DZIP3: variants seen among roughly 807,000 people sequenced by gnomAD.
DZIP3 encodes the protein DAZ interacting zinc finger protein 3, also known as E3 ubiquitin-protein ligase DZIP3.
In DZIP3, 118 loss-of-function variants were observed where a neutral mutation model predicts 162.0. That is an observed-to-expected ratio of 0.73 (90% CI 0.63 to 0.85). The LOEUF (loss-of-function observed/expected upper bound fraction) is 0.85, where lower values mean the gene tolerates loss of function less well. Ranked by LOEUF, DZIP3 falls within the 40% of genes least tolerant of loss-of-function variation. The pLI is 0.00. For synonymous variants in DZIP3, 438 were observed against 458.6 expected, an observed-to-expected ratio of 0.96 and a Z score of 0.57; for missense variants, 1,331 against 1,407.0, an observed-to-expected ratio of 0.95 and a Z score of 0.86.
At chr3:108,669,495 C>T (rs1239827416) in intron 21 of DZIP3, among the ~76,000 whole-genome samples, 186 bp from the exon 22 acceptor site, 1 of 151,794 alleles carries the variant, frequency 6.6e-6, no homozygotes, top group Non-Finnish European at 1.5e-5. Context: ...GTCAGTAAAT[C>T]AGACATCAGA....
At chr3:108,596,830 A>G (rs1464549776) in intron 1 of DZIP3, among the ~76,000 whole-genome samples, 1 of 152,200 alleles carries the variant, frequency 6.6e-6, no homozygotes, top group African/African-American at 2.4e-5. Context: ...GGGGACATGA[A>G]GCCAAATCTA....
chr3:108,618,738 G>A (rs1278245667), intron 5 of DZIP3, among the ~76,000 whole-genome samples: 1 of 152,120 alleles, frequency 6.6e-6, no homozygotes, highest in African/African-American at 2.4e-5. Flanking sequence ...AAGCATGCAA[G>A]GTGAGAGTAT....
intron 4 of DZIP3, 102 bp from the exon 5 acceptor site, chr3:108,616,436 ATTT>A: frequency 1.3e-6 from 1 of 744,090 alleles, no homozygotes; most frequent in Non-Finnish European, 2.1e-6. Flanking sequence ...CTTTATCTCT[ATTT>A]TTAAAATTTT....
intron 1 of DZIP3, among the ~76,000 whole-genome samples, chr3:108,591,742 A>G (rs1427371515): frequency 2.6e-5 from 4 of 152,160 alleles, no homozygotes. Flanking sequence ...TCACGCTTTT[A>G]ATTTCCAGTT....
chr3:108,650,274 G>A (rs1429297989), intron 17 of DZIP3, among the ~76,000 whole-genome samples: 7 of 151,784 alleles, frequency 4.6e-5, no homozygotes, highest in African/African-American at 1.7e-4. Flanking sequence ...ACAACCAAAA[G>A]TCTTTTCAAC....
Position 108,624,529 on chromosome 3 carries a change from G to A in DZIP3, c.456+5G>A, listed in dbSNP as rs1462249398. On this transcript the variant is annotated splice_donor_5th_base_variant and intron_variant, in intron 6 of 32. Coordinates refer to ENST00000361582, the MANE Select transcript of DZIP3 (RefSeq NM_014648.4). The stretch of plus-strand genomic sequence containing the variant: ...ACTGAAAGAGGAAAGAAAGAGGTAT[G>A]TAACATGTTATTTGCCCTTTATAAA... 6.6e-7 allele frequency: 1 copy of A among 1,513,864 alleles called. No individual in the cohort carries two copies. Among genetic ancestry groups the A allele is most frequent in the East Asian group, 2.4e-5 (1 of 42,512 alleles). 93.8% of individuals were successfully genotyped at this position (1,513,864 alleles called of 1,614,324 possible).
chr3:108,692,608 G>T (rs1944739009), intron 32 of DZIP3, among the ~76,000 whole-genome samples: 1 of 152,078 alleles, frequency 6.6e-6, no homozygotes, highest in Admixed American at 6.6e-5. Context: ...TAGATAAACA[G>T]TAAAAGTTTC....
intron 12 of DZIP3, among the ~76,000 whole-genome samples, chr3:108,638,101 T>A (rs749952194): frequency 2.0e-5 from 3 of 152,200 alleles, no homozygotes; most frequent in Non-Finnish European, 2.9e-5. Context: ...ATCTAAAGCA[T>A]CAGTTTTCCC....
chr3:108,641,670 T>A (rs938420207), intron 12 of DZIP3, among the ~76,000 whole-genome samples: 1 of 152,218 alleles, frequency 6.6e-6, no homozygotes. Flanking sequence ...GTATGGGAGA[T>A]ACCTTTTACT....
At chr3:108,622,617 G>T (rs1006409649) in intron 5 of DZIP3, among the ~76,000 whole-genome samples, 2 of 152,124 alleles carry the variant, frequency 1.3e-5, no homozygotes, top group Admixed American at 6.5e-5. Flanking sequence ...TTCTTGGGAA[G>T]TCTTTCCAGG....
Position 108,644,276 on chromosome 3 carries a change from T to A in DZIP3, c.1254T>A (p.Pro418=). The change falls in exon 14 of 33, where the codon CCT becomes CCA. Residue 418 remains proline (P), a synonymous_variant. Coordinates refer to ENST00000361582, the MANE Select transcript of DZIP3 (RefSeq NM_014648.4). ...AAATATTTGATGAGGCTATGCCACCTCCTCTTTTGAAAAAAGAGCTTCTTA... is the reference window on the plus strand; with the variant it reads ...AAATATTTGATGAGGCTATGCCACCACCTCTTTTGAAAAAAGAGCTTCTTA... ...VRQIFDEAMP[P]PLLKKELLIH... 1 of 1,613,996 alleles carries A rather than the reference T, an allele frequency of 6.2e-7. No individual in the cohort carries two copies. The highest frequency in any genetic ancestry group is 8.5e-7 in the Non-Finnish European group (1 of 1,179,926).
At chr3:108,691,817 A>G (rs1449120247) in intron 32 of DZIP3, among the ~76,000 whole-genome samples, 2 of 152,208 alleles carry the variant, frequency 1.3e-5, no homozygotes, top group South Asian at 2.1e-4. Context: ...TCATACCTGC[A>G]TAAGTATTAT....
chr3:108,597,033 T>G (rs918730377), intron 1 of DZIP3, among the ~76,000 whole-genome samples: 2 of 152,212 alleles, frequency 1.3e-5, no homozygotes, highest in Admixed American at 6.5e-5. Flanking sequence ...ATTCTACCCC[T>G]TATGCAGAGT....
intron 26 of DZIP3, among the ~76,000 whole-genome samples, chr3:108,682,403 T>C (rs1224355393): frequency 6.6e-6 from 1 of 150,818 alleles, no homozygotes; most frequent in African/African-American, 2.5e-5. Context: ...ATAAAGAAAA[T>C]GTATATATAC....
intron 1 of DZIP3, among the ~76,000 whole-genome samples, chr3:108,593,552 T>A (rs1939541080): frequency 6.6e-6 from 1 of 152,152 alleles, no homozygotes. Context: ...TGCTATGGGA[T>A]AATAAGAATC....
intron 9 of DZIP3, among the ~76,000 whole-genome samples, chr3:108,633,760 C>A (rs536218553): frequency 1.3e-5 from 1 of 74,898 alleles, no homozygotes; most frequent in African/African-American, 7.3e-5. Context: ...TCTGATAGAT[C>A]TCTCTCTCTC....
rs965389531 is a variant in DZIP3 at position 108,589,851 on chromosome 3, TGAG to T, written c.-73+16_-73+18del. ...CTAGTCTAGACACGGTGAGGAGCTC[TGAG>T]GAGAAGAATCTTGGGCCCTAGATTT... On this transcript the variant is annotated intron_variant, in intron 1 of 32. Transcript: ENST00000361582. 7.2e-5 allele frequency: 11 copies of T among 153,142 alleles called. No homozygotes were observed. In the South Asian group the frequency reaches 1.7e-3, roughly 24 times the overall value. 9.5% of individuals were successfully genotyped at this position (153,142 alleles called of 1,614,324 possible). A position where few individuals can be genotyped will look rare whatever the true frequency, so the allele number is the denominator to read the frequency against.
intron 22 of DZIP3, 92 bp from the exon 23 acceptor site, chr3:108,672,468 G>T: frequency 9.6e-7 from 1 of 1,046,396 alleles, no homozygotes; most frequent in South Asian, 1.4e-5. Flanking sequence ...ATTTCCTACT[G>T]ATTGTATAAC....
intron 31 of DZIP3, among the ~76,000 whole-genome samples, chr3:108,690,200 T>C (rs1944642004): frequency 6.6e-6 from 1 of 152,228 alleles, no homozygotes. Flanking sequence ...ATATAGTGCT[T>C]ATTATTAATC....
Sources: allele counts gnomAD v4.1 joint callset (sites outside exome capture counted in the v4.1 genomes callset), GRCh38; gene constraint gnomAD v4.1.1; transcripts MANE v1.5; gene names NCBI Gene and HGNC (gene_info 2026-07-23, HGNC 2026-07-21).